The following ZNF829 variants were observed in gnomAD, a reference collection of about 807,000 sequenced individuals.
The protein encoded by ZNF829 is zinc finger protein 829.
Under a neutral mutation model 35.2 loss-of-function variants are expected in ZNF829, and 25 were observed. That is an observed-to-expected ratio of 0.71 (90% CI 0.52 to 0.99). The LOEUF is 0.99. Among genes scored for constraint, ZNF829 ranks in the 50% least tolerant of loss-of-function variants. The probability of loss-of-function intolerance (pLI) is 0.00; values close to 1 mark genes in which losing one functional copy is unlikely to be tolerated. For missense variants in ZNF829, 417 were observed against 515.3 expected (o/e 0.81, Z 1.85); for synonymous variants, 136 against 163.2 (o/e 0.83, Z 1.27).
intron 5 of ZNF829, among the ~76,000 whole-genome samples, chr19:36,902,769 C>T (rs2146239695): frequency 6.6e-6 from 1 of 152,298 alleles, no homozygotes; most frequent in South Asian, 2.1e-4. Flanking sequence ...GGTGCAGTGG[C>T]TCACGCCTAT....
intron 5 of ZNF829, among the ~76,000 whole-genome samples, chr19:36,897,563 C>T (rs967495622): frequency 2.0e-5 from 3 of 152,126 alleles, no homozygotes; most frequent in African/African-American, 7.2e-5. Flanking sequence ...TAATAAAGAC[C>T]ATATATGACA....
At position 36,915,147 on chromosome 19, in the gene ZNF829, G is replaced by C. The variant is rs769552535; in HGVS notation, c.21C>G (p.Ile7Met). The stretch of plus-strand genomic sequence containing the variant: ...TTACCCACCACACATGAGGAATGGA[G>C]ATCAGAGGAGAATGGGGCATTCTGT... The part of the protein sequence containing the change: MPHSPL[I>M]SIPHVWCHPE... The change falls in exon 2 of 6, where the codon ATC becomes ATG. Residue 7 changes from isoleucine to methionine, a missense_variant. Physicochemically the swap from Ile to Met is conservative, Grantham distance 10. Transcript: ENST00000391711. 5 of 1,614,018 alleles carry C rather than the reference G, an allele frequency of 3.1e-6. No individual in the cohort carries two copies. In the African/African-American group the frequency reaches 4.0e-5, roughly 13 times the overall value.
chr19:36,897,221 CT>C (rs1416143835), intron 5 of ZNF829, among the ~76,000 whole-genome samples: 2 of 152,112 alleles, frequency 1.3e-5, no homozygotes, highest in Admixed American at 1.3e-4. Context: ...CAGCATTACC[CT>C]GATACCAAAA....
In ZNF829 at chr19:36,888,781, C is replaced by T. The variant is rs1195958839; in HGVS notation, c.*2711G>A. On this transcript the variant is annotated 3_prime_UTR_variant, in exon 6 of 6. Coordinates refer to ENST00000391711, the MANE Select transcript of ZNF829 (RefSeq NM_001037232.4). ...CATAATCTCGGCTCACTGCAACCTCCACCTCCCACATTCAAGCAATTTGCT... is the reference window on the plus strand; with the variant it reads ...CATAATCTCGGCTCACTGCAACCTCTACCTCCCACATTCAAGCAATTTGCT... 1 of 152,012 alleles carries T rather than the reference C, an allele frequency of 6.6e-6. No homozygotes were observed. Among genetic ancestry groups the T allele is most frequent in the Non-Finnish European group, 1.5e-5 (1 of 68,046 alleles). The allele number at this position is 152,012 out of a possible 1,614,324, so 9.4% of individuals were successfully genotyped here. A position where few individuals can be genotyped will look rare whatever the true frequency, so the allele number is the denominator to read the frequency against.
At chr19:36,896,262 G>A (rs1228673505) in intron 5 of ZNF829, among the ~76,000 whole-genome samples, 2 of 150,380 alleles carry the variant, frequency 1.3e-5, no homozygotes, top group Non-Finnish European at 2.9e-5. Flanking sequence ...AGTGAGCCGG[G>A]TTCGCACCAC....
chr19:36,891,684 T>C lies in ZNF829; in HGVS notation c.1107A>G (p.Gln369=). The stretch of plus-strand genomic sequence containing the variant: ...TTTCATCTGTATGGATTCTCTGATG[T>C]TGAATAAGTTCTGAGCTCTGAATAA... ...KAFIQSSELI[Q]HQRIHTDEKP... is the part of the protein sequence containing the mutation. Residue 369 remains glutamine (Q), a synonymous_variant, in exon 6 of 6, where the codon CAA becomes CAG. Coordinates refer to ENST00000391711, the MANE Select transcript of ZNF829 (RefSeq NM_001037232.4). The C allele has an allele frequency of 1.2e-6, 2 of 1,613,816 alleles. No individual in the cohort carries two copies. The highest frequency in any genetic ancestry group is 1.7e-6 in the Non-Finnish European group (2 of 1,179,882).
In ZNF829 at chr19:36,907,953, C is replaced by G; in HGVS notation, c.295G>C (p.Glu99Gln). The G allele has an allele frequency of 1.2e-6, 2 of 1,614,078 alleles. No individual in the cohort carries two copies. The highest frequency in any genetic ancestry group is 1.7e-6 in the Non-Finnish European group (2 of 1,179,970). ...CCTGAACACAGGCCTCTAGTCAGCT[C>G]TCTATCAACCATCCAGGGCTCTTTT... is the stretch of plus-strand genomic sequence containing the variant. ...QGKEPWMVDRELTRGLCSDLE... is the reference protein window; with the variant it reads ...QGKEPWMVDRQLTRGLCSDLE... The change falls in exon 5 of 6, where the codon GAG (glutamate) becomes CAG (glutamine). Residue 99 changes from glutamate to glutamine, a missense_variant. Coordinates refer to ENST00000391711, the MANE Select transcript of ZNF829 (RefSeq NM_001037232.4).
rs2073057029 is a variant in ZNF829, at chr19:36,891,844, C to A, written c.947G>T (p.Arg316Ile). The A allele has an allele frequency of 6.2e-7, 1 of 1,614,032 alleles. No individual in the cohort carries two copies. The highest frequency in any genetic ancestry group is 1.1e-5 in the South Asian group (1 of 91,082). ...TQHSRLIQHQ[R>I]MHTGEKPYEC... Reference sequence around the variant, plus strand: ...ATAAGGTTTCTCACCAGTATGCATTCTCTGATGCTGAATAAGCCTTGAGTG... The same window carrying A: ...ATAAGGTTTCTCACCAGTATGCATTATCTGATGCTGAATAAGCCTTGAGTG... The change falls in exon 6 of 6, where the codon AGA becomes ATA. Residue 316 changes from arginine (R) to isoleucine (I), a missense_variant. Coordinates refer to ENST00000391711, the MANE Select transcript of ZNF829 (RefSeq NM_001037232.4).
At chr19:36,901,641 G>C (rs538643196) in intron 5 of ZNF829, 27 of 279,390 alleles carry the variant, frequency 9.7e-5, no homozygotes, top group African/African-American at 6.0e-4. Flanking sequence ...GGCTATCCAA[G>C]TGTGTGATTG....
At chr19:36,893,087 T>A (rs1016620908) in intron 5 of ZNF829, 3 of 398,048 alleles carry the variant, frequency 7.5e-6, no homozygotes, top group African/African-American at 6.2e-5. Flanking sequence ...CAGACCTACA[T>A]GAAAGGACTG....
At chr19:36,903,622 G>A (rs1286083155) in intron 5 of ZNF829, among the ~76,000 whole-genome samples, 5 of 152,266 alleles carry the variant, frequency 3.3e-5, no homozygotes, top group South Asian at 4.1e-4. Flanking sequence ...TGGGCACGGC[G>A]GCTCAGACCT....
Position 36,890,774 on chromosome 19 carries a change from T to A in ZNF829, c.*718A>T, listed in dbSNP as rs2073043306. On this transcript the variant is annotated 3_prime_UTR_variant, in exon 6 of 6. Coordinates refer to ENST00000391711, the MANE Select transcript of ZNF829 (RefSeq NM_001037232.4). ...GAGAGGCTGAGGCACAAGAATCGCT[T>A]GAACTCAGGAGCTGGAGGTTGCAGT... 6.6e-6 allele frequency: 1 copy of A among 151,972 alleles called. No individual in the cohort carries two copies. The highest frequency in any genetic ancestry group is 6.6e-5 in the Admixed American group (1 of 15,252). 9.4% of individuals were successfully genotyped at this position (151,972 alleles called of 1,614,324 possible). A position where few individuals can be genotyped will look rare whatever the true frequency, so the allele number is the denominator to read the frequency against.
chr19:36,896,519 A>C (rs1164562425), intron 5 of ZNF829, among the ~76,000 whole-genome samples: 1 of 152,060 alleles, frequency 6.6e-6, no homozygotes, highest in African/African-American at 2.4e-5. Flanking sequence ...ACTCCCATAA[A>C]ATAATAGTAC....
chr19:36,907,945 A>AG lies in ZNF829; in HGVS notation c.302dup (p.Arg102Ter). On this transcript the variant is annotated frameshift_variant, in exon 5 of 6. Coordinates refer to ENST00000391711, the MANE Select transcript of ZNF829 (RefSeq NM_001037232.4). LOFTEE classifies it high-confidence loss of function. ...CTTACTTACCTGAACACAGGCCTCTAGTCAGCTCTCTATCAACCATCCAGG... is the reference window on the plus strand; with the variant it reads ...CTTACTTACCTGAACACAGGCCTCTAGGTCAGCTCTCTATCAACCATCCAGG... 6.2e-7 allele frequency: 1 copy of AG among 1,613,964 alleles called. No homozygotes were observed. Among genetic ancestry groups the AG allele is most frequent in the Non-Finnish European group, 8.5e-7 (1 of 1,179,864 alleles).
In ZNF829 at chr19:36,888,470, C is replaced by A. The variant is rs1269489645; in HGVS notation, c.*3022G>T. On this transcript the variant is annotated 3_prime_UTR_variant, in exon 6 of 6. Transcript: ENST00000391711. ...CTGTTCCCACCTACCACACTAAATT[C>A]TTGTGATCTTTCTACTCTGCACTCT... The A allele has an allele frequency of 6.6e-6, 1 of 152,182 alleles. No homozygotes were observed. The highest frequency in any genetic ancestry group is 1.9e-4 in the East Asian group (1 of 5,194). The allele number at this position is 152,182 out of a possible 1,614,324, so 9.4% of individuals were successfully genotyped here.
rs1043114969 is a variant in ZNF829 at position 36,889,404 on chromosome 19, T to C, written c.*2088A>G. 6.6e-6 allele frequency: 1 copy of C among 152,186 alleles called. No individual in the cohort carries two copies. The highest frequency in any genetic ancestry group is 2.4e-5 in the African/African-American group (1 of 41,460). 9.4% of individuals were successfully genotyped at this position (152,186 alleles called of 1,614,324 possible). ...CCTTGCATGTCTAGTAGAATTCAGC[T>C]GTGAATCTGTCTGGTCCTGGGCTTT... On this transcript the variant is annotated 3_prime_UTR_variant, in exon 6 of 6. Transcript: ENST00000391711.
rs189554662 is a variant in ZNF829 at position 36,888,693 on chromosome 19, T to G, written c.*2799A>C. 1 of 152,286 alleles carries G rather than the reference T, an allele frequency of 6.6e-6. No homozygotes were observed. Among genetic ancestry groups the G allele is most frequent in the African/African-American group, 2.4e-5 (1 of 41,542 alleles). 9.4% of individuals were successfully genotyped at this position (152,286 alleles called of 1,614,324 possible). On this transcript the variant is annotated 3_prime_UTR_variant, in exon 6 of 6. Transcript: ENST00000391711. ...TAATGTACCTTGTACTAAATAGGAT[T>G]TTTTTTGGTTTTTTTTTGAGATGGA... is the stretch of plus-strand genomic sequence containing the variant.
At position 36,891,564 on chromosome 19, in the gene ZNF829, G is replaced by T; in HGVS notation, c.1227C>A (p.Asp409Glu). The change falls in exon 6 of 6, where the codon GAC becomes GAA. Residue 409 changes from aspartate (D) to glutamate (E), a missense_variant. Coordinates refer to ENST00000391711, the MANE Select transcript of ZNF829 (RefSeq NM_001037232.4). ...CAAAAGCCTTTCCACATTCCTTACA[G>T]TCATAGGGTTTCTCACCAGTGTGAA... ...QRIHTGEKPYDCKECGKAFGS... is the reference protein window; with the variant it reads ...QRIHTGEKPYECKECGKAFGS... 14 of 1,612,246 alleles carry T rather than the reference G, an allele frequency of 8.7e-6. No individual in the cohort carries two copies. Among genetic ancestry groups the T allele is most frequent in the Non-Finnish European group, 1.2e-5 (14 of 1,179,184 alleles).
intron 5 of ZNF829, chr19:36,905,363 T>C (rs1053587676): frequency 2.0e-5 from 3 of 152,100 alleles, no homozygotes; most frequent in African/African-American, 7.2e-5. Flanking sequence ...CAAACTGATA[T>C]TAATATTCTC....
Sources: allele counts gnomAD v4.1 joint callset (sites outside exome capture counted in the v4.1 genomes callset), GRCh38; gene constraint gnomAD v4.1.1; transcripts MANE v1.5; gene names NCBI Gene and HGNC (gene_info 2026-07-23, HGNC 2026-07-21).